The following TMEM163 variants were observed in gnomAD, a reference collection of about 807,000 sequenced individuals.
TMEM163 encodes transmembrane protein 163.
TMEM163 carries 17 observed loss-of-function variants against 29.3 expected under a neutral mutation model. That is an observed-to-expected ratio of 0.58 (90% CI 0.40 to 0.87). The LOEUF is 0.87. TMEM163 is among the 40% of genes least tolerant of loss of function. The probability of loss-of-function intolerance (pLI) is 0.00; values close to 1 mark genes in which losing one functional copy is unlikely to be tolerated. For missense variants in TMEM163, 303 were observed against 381.5 expected (o/e 0.79, Z 1.71); for synonymous variants, 157 against 160.6 (o/e 0.98, Z 0.17).
intron 2 of TMEM163, among the ~76,000 whole-genome samples, chr2:134,630,745 C>A (rs1682949960): frequency 6.6e-6 from 1 of 152,178 alleles, no homozygotes; most frequent in Non-Finnish European, 1.5e-5. Flanking sequence ...GCCATGGCAA[C>A]CTTCCATCAG....
chr2:134,604,869 A>G (rs538437526), intron 2 of TMEM163, among the ~76,000 whole-genome samples: 3 of 152,164 alleles, frequency 2.0e-5, no homozygotes, highest in Non-Finnish European at 4.4e-5. Context: ...TCAGTTTGGC[A>G]AAGATTTGTT....
chr2:134,501,472 T>C (rs1679696379), intron 5 of TMEM163, among the ~76,000 whole-genome samples: 1 of 152,226 alleles, frequency 6.6e-6, no homozygotes, highest in African/African-American at 2.4e-5. Context: ...TAATGCCAAA[T>C]AAATGAATGT....
intron 2 of TMEM163, among the ~76,000 whole-genome samples, chr2:134,704,170 T>C (rs1684758570): frequency 6.6e-6 from 1 of 151,996 alleles, no homozygotes; most frequent in South Asian, 2.1e-4. Flanking sequence ...GCTCCAGGGG[T>C]ATTTCCAACC....
At chr2:134,682,670 G>A (rs188156041) in intron 2 of TMEM163, among the ~76,000 whole-genome samples, 451 of 152,310 alleles carry the variant, frequency 3.0e-3, no homozygotes, top group Admixed American at 6.3e-3. Flanking sequence ...TGGAGCGACA[G>A]GAACCCTCAT....
chr2:134,571,020 C>A (rs945760636), intron 2 of TMEM163, among the ~76,000 whole-genome samples: 2 of 152,220 alleles, frequency 1.3e-5, no homozygotes, highest in Non-Finnish European at 2.9e-5. Flanking sequence ...CTACCACATA[C>A]ATATGTCTCT....
At chr2:134,544,615 G>A (rs927660567) in intron 4 of TMEM163, among the ~76,000 whole-genome samples, 1 of 152,104 alleles carries the variant, frequency 6.6e-6, no homozygotes, top group African/African-American at 2.4e-5. Context: ...CCAACATGGT[G>A]AAACCCCGTC....
chr2:134,612,559 A>ACACACC (rs978789435), intron 2 of TMEM163, among the ~76,000 whole-genome samples: 3 of 151,674 alleles, frequency 2.0e-5, no homozygotes, highest in African/African-American at 7.3e-5. Context: ...ACACACACAC[A>ACACACC]CACACACACA....
intron 4 of TMEM163, among the ~76,000 whole-genome samples, chr2:134,539,893 T>C (rs1179658247): frequency 2.6e-5 from 4 of 152,278 alleles, no homozygotes; most frequent in Non-Finnish European, 4.4e-5. Flanking sequence ...CTGACCAAGG[T>C]GGCCACAAAG....
At chr2:134,695,289 G>A (rs909599764) in intron 2 of TMEM163, among the ~76,000 whole-genome samples, 6 of 151,906 alleles carry the variant, frequency 3.9e-5, no homozygotes, top group Non-Finnish European at 8.8e-5. Context: ...TGTTGGCCAG[G>A]CTGGTCTCGA....
chr2:134,692,799 A>G (rs1448254600), intron 2 of TMEM163, among the ~76,000 whole-genome samples: 1 of 152,048 alleles, frequency 6.6e-6, no homozygotes, highest in South Asian at 2.1e-4. Context: ...CCCTCCAAAT[A>G]CCATCACACT....
intron 2 of TMEM163, among the ~76,000 whole-genome samples, chr2:134,593,877 T>A (rs1362104633): frequency 6.6e-6 from 1 of 151,798 alleles, no homozygotes; most frequent in African/African-American, 2.4e-5. Flanking sequence ...AGCAATGCGA[T>A]TAACCCCTAT....
At chr2:134,507,864 CACACACACAG>C (rs1679861277) in intron 4 of TMEM163, among the ~76,000 whole-genome samples, 1 of 152,086 alleles carries the variant, frequency 6.6e-6, no homozygotes, top group Non-Finnish European at 1.5e-5. Flanking sequence ...CTCACACACA[CACACACACAG>C]ACACACACAC....
Position 134,458,070 on chromosome 2 carries a change from GCCTATGCTGCC to G in TMEM163, c.760_770del (p.Gly254ArgfsTer32), listed in dbSNP as rs1558908612. 6.2e-7 allele frequency: 1 copy of G among 1,614,202 alleles called. No homozygotes were observed. The highest frequency in any genetic ancestry group is 8.5e-7 in the Non-Finnish European group (1 of 1,180,036). ...CAAATATGGTGAGGCCGATCAGAACGCCTATGCTGCCGTCCAGGTACCAGACCGCCGAGTCA... is the reference window on the plus strand; with the variant it reads ...CAAATATGGTGAGGCCGATCAGAACGGTCCAGGTACCAGACCGCCGAGTCA... On this transcript the variant is annotated frameshift_variant, in exon 7 of 8. Transcript: ENST00000281924. LOFTEE classifies it high-confidence loss of function.
At chr2:134,718,235 G>T (rs1197798335) in intron 1 of TMEM163, among the ~76,000 whole-genome samples, 3 of 152,222 alleles carry the variant, frequency 2.0e-5, no homozygotes, top group African/African-American at 7.2e-5. Flanking sequence ...TGCGCCCTTC[G>T]CCGGGGCGGG....
At chr2:134,657,265 T>C (rs1683642189) in intron 2 of TMEM163, among the ~76,000 whole-genome samples, 1 of 152,234 alleles carries the variant, frequency 6.6e-6, no homozygotes, top group African/African-American at 2.4e-5. Flanking sequence ...ACTGATTCAA[T>C]TTCAGAACTC....
chr2:134,586,745 G>T lies in TMEM163; in HGVS notation c.323-34654C>A, dbSNP rs559414797. Among the ~76,000 whole-genome samples, 191 of 152,302 alleles carry T rather than the reference G, an allele frequency of 1.3e-3. 2 individuals are homozygous for T. The highest frequency in any genetic ancestry group is 4.1e-3 in the African/African-American group (172 of 41,564). The stretch of plus-strand genomic sequence containing the variant: ...TTGGTGCAACAGCAGCAGAACTCCT[G>T]GCCCAGTCACGAGACGGCAGGAAGC... On this transcript the variant is annotated intron_variant, in intron 2 of 7. Transcript: ENST00000281924.
At chr2:134,712,655 C>T (rs1259361182) in intron 2 of TMEM163, among the ~76,000 whole-genome samples, 2 of 152,202 alleles carry the variant, frequency 1.3e-5, no homozygotes, top group Non-Finnish European at 1.5e-5. Context: ...CTGGCAGAAA[C>T]TGTTCCACTT....
chr2:134,708,454 A>G (rs1213736816), intron 2 of TMEM163, among the ~76,000 whole-genome samples: 1 of 152,172 alleles, frequency 6.6e-6, no homozygotes, highest in Non-Finnish European at 1.5e-5. Context: ...AGTTTACATT[A>G]AAATCAAATA....
chr2:134,531,143 C>T (rs963583683), intron 4 of TMEM163, among the ~76,000 whole-genome samples: 24 of 152,194 alleles, frequency 1.6e-4, no homozygotes, highest in Middle Eastern at 3.4e-3. Context: ...TAAATGTGTC[C>T]CTAAGGATTT....
Sources: allele counts gnomAD v4.1 joint callset (sites outside exome capture counted in the v4.1 genomes callset), GRCh38; gene constraint gnomAD v4.1.1; transcripts MANE v1.5; gene names NCBI Gene and HGNC (gene_info 2026-07-23, HGNC 2026-07-21).